Variants in IL1RAPL1 observed in about 807,000 individuals in gnomAD.
The protein encoded by IL1RAPL1 is interleukin-1 receptor accessory protein-like 1.
In IL1RAPL1, 3 loss-of-function variants were observed where a neutral mutation model predicts 48.4. The observed-to-expected ratio is 0.06, with a 90% CI of 0.03 to 0.16. The LOEUF (loss-of-function observed/expected upper bound fraction) is 0.16, where lower values mean the gene tolerates loss of function less well. Ranked by LOEUF, IL1RAPL1 falls within the 10% of genes least tolerant of loss-of-function variation. The pLI, the probability that IL1RAPL1 is intolerant of heterozygous loss-of-function variation, is 1.00. For synonymous variants in IL1RAPL1, 185 were observed against 187.7 expected (o/e 0.99, Z 0.12); for missense variants, 349 against 530.6 (o/e 0.66, Z 3.36).
At chrX:29,715,958 A>G (rs938416228) in intron 6 of IL1RAPL1, among the ~76,000 whole-genome samples, 5 of 112,219 alleles carry the variant, frequency 4.5e-5, no homozygotes, top group African/African-American at 1.6e-4. Context: ...GATTGATACT[A>G]TGCTACCTCA....
rs747361267 is a variant in IL1RAPL1, at chrX:28,934,482, A to AT, written c.82+145061dup. On this transcript the variant is annotated intron_variant, in intron 2 of 10. Transcript: ENST00000378993. ...TTATCACCATAATCAATTTTACAATATTTTCATCACCCCCAAATGAAACAA... is the reference window on the plus strand; with the variant it reads ...TTATCACCATAATCAATTTTACAATATTTTTCATCACCCCCAAATGAAACAA... Among the ~76,000 whole-genome samples the AT allele has an allele frequency of 8.1e-5, 9 of 111,153 alleles. No homozygotes were observed. In the South Asian group the frequency reaches 3.0e-3, roughly 37 times the overall value.
At chrX:29,319,364 A>ATTTTTTTTTTTTTTTTTTTTTTTTTTT (rs762918998) in intron 3 of IL1RAPL1, among the ~76,000 whole-genome samples, 4 of 58,135 alleles carry the variant, frequency 6.9e-5, no homozygotes, top group African/African-American at 1.5e-4. Context: ...GATAAATTTA[A>ATTTTTTTTTTTTTTTTTTTTTTTTTTT]TTTTTTTTTT....
intron 6 of IL1RAPL1, among the ~76,000 whole-genome samples, chrX:29,862,319 G>T (rs912354662): frequency 9.0e-6 from 1 of 111,491 alleles, no homozygotes; most frequent in African/African-American, 3.3e-5. Flanking sequence ...ATGGTATTTT[G>T]GGGTGTGTAA....
At chrX:29,464,269 C>G (rs779811966) in intron 5 of IL1RAPL1, among the ~76,000 whole-genome samples, 1 of 111,725 alleles carries the variant, frequency 9.0e-6, no homozygotes, top group South Asian at 3.7e-4. Context: ...AAATCACAGT[C>G]CTTGCCTTAG....
intron 5 of IL1RAPL1, among the ~76,000 whole-genome samples, chrX:29,586,204 T>C (rs752652425): frequency 1.8e-5 from 2 of 112,018 alleles, no homozygotes; most frequent in South Asian, 7.3e-4. Context: ...TTTTAATTCA[T>C]TTTGAGTTTA....
chrX:29,796,568 C>T (rs1337630176), intron 6 of IL1RAPL1, among the ~76,000 whole-genome samples: 1 of 111,952 alleles, frequency 8.9e-6, no homozygotes, highest in Non-Finnish European at 1.9e-5. Flanking sequence ...TCTACCTCTG[C>T]AGCTATTCTT....
Position 29,941,794 on chromosome X carries a change from GGTAGGAT to G in IL1RAPL1, c.1201+3_1201+9del. ...TTTTGGAGCTGAAGAGCTCGATGGA[GGTAGGAT>G]GTTACCTCTTTTATTGTTCTTTCTG... On this transcript the variant is annotated splice_donor_variant and splice_donor_5th_base_variant and intron_variant, in intron 9 of 10. Transcript: ENST00000378993. LOFTEE classifies it high-confidence loss of function. 1.7e-6 allele frequency: 2 copies of G among 1,204,497 alleles called. No homozygotes were observed. The highest frequency in any genetic ancestry group is 2.2e-6 in the Non-Finnish European group (2 of 889,329).
intron 2 of IL1RAPL1, among the ~76,000 whole-genome samples, chrX:29,092,947 C>T (rs1341485281): frequency 8.9e-6 from 1 of 111,823 alleles, no homozygotes; most frequent in East Asian, 2.8e-4. Context: ...TGTCAAGAGG[C>T]CATTTGAAGC....
chrX:28,753,490 C>T (rs1936068054), intron 1 of IL1RAPL1, among the ~76,000 whole-genome samples: 2 of 112,219 alleles, frequency 1.8e-5, no homozygotes, highest in South Asian at 7.4e-4. Flanking sequence ...TCCTCCTGCA[C>T]TAGGCATTGT....
At chrX:29,884,167 CCA>C (rs1932089597) in intron 6 of IL1RAPL1, among the ~76,000 whole-genome samples, 1 of 111,997 alleles carries the variant, frequency 8.9e-6, no homozygotes, top group African/African-American at 3.2e-5. Flanking sequence ...ATACCTAATT[CCA>C]GTTCATTCTA....
chrX:29,918,505 C>CAAAA (rs1186602092), intron 7 of IL1RAPL1, among the ~76,000 whole-genome samples: 2 of 38,112 alleles, frequency 5.2e-5, no homozygotes, highest in Admixed American at 3.4e-4. Flanking sequence ...AACTCTGTCT[C>CAAAA]AAAAAAAAAA....
At chrX:28,994,129 A>G (rs767731740) in intron 2 of IL1RAPL1, among the ~76,000 whole-genome samples, 1 of 111,498 alleles carries the variant, frequency 9.0e-6, no homozygotes, top group Non-Finnish European at 1.9e-5. Flanking sequence ...TAAAATGACT[A>G]TTAAGCCAGT....
intron 1 of IL1RAPL1, among the ~76,000 whole-genome samples, chrX:28,715,702 C>A (rs2039982892): frequency 9.0e-6 from 1 of 110,843 alleles, no homozygotes; most frequent in African/African-American, 3.3e-5. Flanking sequence ...GCCTACCAAT[C>A]AAAAAAAGTC....
chrX:29,619,656 AG>A lies in IL1RAPL1; in HGVS notation c.704-48770del, dbSNP rs760289108. Among the ~76,000 whole-genome samples the A allele has an allele frequency of 4.5e-5, 5 of 111,646 alleles. No individual in the cohort carries two copies. The East Asian group carries it at 1.4e-3, about 31-fold the overall frequency. On this transcript the variant is annotated intron_variant, in intron 5 of 10. Coordinates refer to ENST00000378993, the MANE Select transcript of IL1RAPL1 (RefSeq NM_014271.4). Reference sequence around the variant, plus strand: ...CCTTAGAATAGACAGATATATTTAGAGGGGAAGGATATGCTAATCAATGCCA... The same window carrying A: ...CCTTAGAATAGACAGATATATTTAGAGGGAAGGATATGCTAATCAATGCCA...
intron 2 of IL1RAPL1, among the ~76,000 whole-genome samples, chrX:28,866,913 G>T (rs1227242556): frequency 8.9e-6 from 1 of 111,851 alleles, no homozygotes; most frequent in Admixed American, 9.5e-5. Context: ...TTCATAACAA[G>T]ATGATATAGT....
chrX:28,596,626 G>A (rs916675383), intron 1 of IL1RAPL1, among the ~76,000 whole-genome samples: 1 of 111,542 alleles, frequency 9.0e-6, no homozygotes, highest in African/African-American at 3.3e-5. Flanking sequence ...AGATGCTCGA[G>A]TCCCTAATAT....
intron 2 of IL1RAPL1, among the ~76,000 whole-genome samples, chrX:28,937,187 G>T (rs1284551933): frequency 1.8e-5 from 2 of 111,204 alleles, no homozygotes; most frequent in African/African-American, 6.5e-5. Context: ...ATAACATTTG[G>T]CCTTTTGTGT....
chrX:29,556,976 G>C (rs1922023392), intron 5 of IL1RAPL1, among the ~76,000 whole-genome samples: 1 of 111,365 alleles, frequency 9.0e-6, no homozygotes. Flanking sequence ...CTTTGTTTTT[G>C]ATTTAGGATT....
intron 2 of IL1RAPL1, among the ~76,000 whole-genome samples, chrX:29,166,551 C>T (rs1169485736): frequency 9.0e-6 from 1 of 111,473 alleles, no homozygotes; most frequent in African/African-American, 3.3e-5. Flanking sequence ...GGTTTGTTTA[C>T]TCATCATTCA....
Sources: gnomAD v4.1 joint callset for allele counts (sites outside exome capture counted in the v4.1 genomes callset) on GRCh38, gnomAD v4.1.1 for gene constraint, MANE v1.5 for transcripts, NCBI Gene and HGNC (gene_info 2026-07-23, HGNC 2026-07-21) for gene names.